MYT1L: variants seen among roughly 807,000 people sequenced by gnomAD.
The protein encoded by MYT1L is myelin transcription factor 1-like protein.
MYT1L carries 12 observed loss-of-function variants against 126.7 expected under a neutral mutation model. That is an observed-to-expected ratio of 0.09 (90% CI 0.06 to 0.15). The LOEUF (loss-of-function observed/expected upper bound fraction) is 0.15. Ranked by LOEUF, MYT1L falls within the 10% of genes least tolerant of loss-of-function variation. MYT1L has a pLI of 1.00. For synonymous variants in MYT1L, 541 were observed against 604.2 expected (o/e 0.90, Z 1.53); for missense variants, 979 against 1,585.2 (o/e 0.62, Z 6.49).
chr2:2,161,328 G>A (rs2087884046), intron 3 of MYT1L, among the ~76,000 whole-genome samples: 1 of 152,168 alleles, frequency 6.6e-6, no homozygotes, highest in African/African-American at 2.4e-5. Flanking sequence ...ATGTTTGATG[G>A]GTGGTTATGT....
rs58767090 is a variant in MYT1L at position 1,943,686 on chromosome 2, C to T, written c.153-352G>A. 0.054 allele frequency among the ~76,000 whole-genome samples: 8,222 copies of T among 152,136 alleles called. 304 individuals carry two copies. The highest frequency in any genetic ancestry group is 0.19 in the East Asian group (995 of 5,182). Reference sequence around the variant, plus strand: ...TAATTGACAATACAAATTTATGAAACATTTTACCAAATATATACTATGTAT... The same window carrying T: ...TAATTGACAATACAAATTTATGAAATATTTTACCAAATATATACTATGTAT... On this transcript the variant is annotated intron_variant, in intron 8 of 24. Coordinates refer to ENST00000647738, the MANE Select transcript of MYT1L (RefSeq NM_001303052.2). The surrounding 1 kb of genome is among the most constrained non-coding windows in gnomAD (Gnocchi z 4.4).
At chr2:2,152,240 C>T (rs2085924462) in intron 3 of MYT1L, among the ~76,000 whole-genome samples, 1 of 152,350 alleles carries the variant, frequency 6.6e-6, no homozygotes, top group East Asian at 1.9e-4. Context: ...TGCTGGGTAG[C>T]CCACAGGGCG....
chr2:2,215,902 G>T (rs889329751), intron 2 of MYT1L, among the ~76,000 whole-genome samples: 1 of 152,128 alleles, frequency 6.6e-6, no homozygotes, highest in Admixed American at 6.5e-5. Flanking sequence ...AGGTGTTCGG[G>T]TCATAGGGGT....
rs1200658552 is a variant in MYT1L at position 2,174,698 on chromosome 2, G to A, written c.-420-1710C>T. 3.3e-5 allele frequency among the ~76,000 whole-genome samples: 5 copies of A among 152,082 alleles called. No homozygotes were observed. The East Asian group carries it at 9.6e-4, about 29-fold the overall frequency. On this transcript the variant is annotated intron_variant, in intron 2 of 24. Coordinates refer to ENST00000647738, the MANE Select transcript of MYT1L (RefSeq NM_001303052.2). The stretch of plus-strand genomic sequence containing the variant: ...CAATCAGATTATACTAAGGCAACTA[G>A]CATATAAACTTGACATTATTGATAC...
At chr2:2,180,356 A>T (rs562505854) in intron 2 of MYT1L, among the ~76,000 whole-genome samples, 1 of 146,544 alleles carries the variant, frequency 6.8e-6, no homozygotes, top group Non-Finnish European at 1.5e-5. Context: ...GAAAAACATA[A>T]GCTCTTAAAA....
At chr2:1,854,378 G>T (rs193053076) in intron 18 of MYT1L, among the ~76,000 whole-genome samples, 1 of 152,080 alleles carries the variant, frequency 6.6e-6, no homozygotes, top group Non-Finnish European at 1.5e-5. Context: ...TACATATGGA[G>T]GGCTCTACCC....
chr2:2,096,343 G>A (rs2150426792), intron 3 of MYT1L, among the ~76,000 whole-genome samples: 1 of 152,296 alleles, frequency 6.6e-6, no homozygotes, highest in South Asian at 2.1e-4. Flanking sequence ...GAGGGCACAG[G>A]AGCCCCCGCT....
chr2:2,155,813 C>T (rs2148361881), intron 3 of MYT1L, among the ~76,000 whole-genome samples: 1 of 152,304 alleles, frequency 6.6e-6, no homozygotes, highest in East Asian at 1.9e-4. Flanking sequence ...ACCACGGAGC[C>T]ATCAACATCA....
chr2:1,919,919 A>G (rs1315166484), intron 10 of MYT1L, among the ~76,000 whole-genome samples: 2 of 152,004 alleles, frequency 1.3e-5, no homozygotes. Flanking sequence ...TAGTAGAGAC[A>G]GTGTTAGCCA....
chr2:2,282,438 C>T (rs1038407319), intron 2 of MYT1L, among the ~76,000 whole-genome samples: 1 of 152,084 alleles, frequency 6.6e-6, no homozygotes, highest in Non-Finnish European at 1.5e-5. Context: ...AATGGCAGAC[C>T]GTTCAAACAC....
chr2:2,052,855 C>T (rs929894319), intron 4 of MYT1L, among the ~76,000 whole-genome samples: 1 of 152,134 alleles, frequency 6.6e-6, no homozygotes, highest in Admixed American at 6.5e-5. Context: ...TATGGTGCAG[C>T]CACTATTGAA....
In MYT1L at chr2:1,887,315, C is replaced by T. The variant is rs149677883; in HGVS notation, c.2642+173G>A. Among the ~76,000 whole-genome samples the T allele has an allele frequency of 1.1e-3, 161 of 152,306 alleles. 2 individuals are homozygous for T. Among genetic ancestry groups the T allele is most frequent in the African/African-American group, 3.7e-3 (153 of 41,560 alleles). ...CCATCCGACAGAGCGTCACTGGGAACAGGCAAGTGCACGGTTAGCTGCTCA... is the reference window on the plus strand; with the variant it reads ...CCATCCGACAGAGCGTCACTGGGAATAGGCAAGTGCACGGTTAGCTGCTCA... On this transcript the variant is annotated intron_variant, in intron 17 of 24. Transcript: ENST00000647738. This position sits in a 1 kb window ranked among gnomAD's most constrained non-coding sequence, Gnocchi z 4.8.
chr2:1,833,556 C>G (rs1033588152), intron 21 of MYT1L, among the ~76,000 whole-genome samples: 12 of 152,212 alleles, frequency 7.9e-5, no homozygotes, highest in African/African-American at 2.9e-4. Context: ...TGGGCTTCTC[C>G]ATGTGCCTCC....
chr2:1,874,855 G>A (rs1387634109), intron 18 of MYT1L, among the ~76,000 whole-genome samples: 4 of 152,086 alleles, frequency 2.6e-5, no homozygotes, highest in South Asian at 2.1e-4. Flanking sequence ...TTTCAGGCTC[G>A]CGTGAACTTC....
intron 8 of MYT1L, among the ~76,000 whole-genome samples, chr2:1,952,784 C>CT (rs2057936084): frequency 2.9e-4 from 1 of 3,468 alleles, no homozygotes; most frequent in Non-Finnish European, 5.6e-4. Flanking sequence ...CCCTCCTTTC[C>CT]TCCCTTCCCT....
In MYT1L at chr2:2,267,787, C is replaced by T. The variant is rs1268086697; in HGVS notation, c.-421+16617G>A. Among the ~76,000 whole-genome samples the T allele has an allele frequency of 2.6e-5, 4 of 151,918 alleles. No homozygotes were observed. In the East Asian group the frequency reaches 7.7e-4, roughly 29 times the overall value. Reference sequence around the variant, plus strand: ...GTGCCTGGATCCGTCAAGCTACAGTCAGGGATGTGAAATTCGGCTGTGAAG... The same window carrying T: ...GTGCCTGGATCCGTCAAGCTACAGTTAGGGATGTGAAATTCGGCTGTGAAG... On this transcript the variant is annotated intron_variant, in intron 2 of 24. Transcript: ENST00000647738.
At chr2:2,069,131 G>C (rs565470212) in intron 3 of MYT1L, among the ~76,000 whole-genome samples, 23 of 151,860 alleles carry the variant, frequency 1.5e-4, no homozygotes, top group Non-Finnish European at 2.6e-4. Context: ...GTACACGTTT[G>C]TTACACAGGC....
intron 2 of MYT1L, among the ~76,000 whole-genome samples, chr2:2,220,933 G>A (rs2093846646): frequency 6.6e-6 from 1 of 151,878 alleles, no homozygotes; most frequent in South Asian, 2.1e-4. Flanking sequence ...TTATGGTGAT[G>A]GTTTAAAAGA....
chr2:2,268,172 AT>A (rs1264807665), intron 2 of MYT1L, among the ~76,000 whole-genome samples: 1 of 152,188 alleles, frequency 6.6e-6, no homozygotes, highest in East Asian at 1.9e-4. Flanking sequence ...AGAAGGATTT[AT>A]TTCCTGAGTC....
Sources: allele counts gnomAD v4.1 joint callset (sites outside exome capture counted in the v4.1 genomes callset), GRCh38; gene constraint gnomAD v4.1.1; non-coding constraint Gnocchi (gnomAD v3.1); transcripts MANE v1.5; gene names NCBI Gene and HGNC (gene_info 2026-07-23, HGNC 2026-07-21).